TMTC3: variants seen among roughly 807,000 people sequenced by gnomAD.
TMTC3 encodes transmembrane O-mannosyltransferase targeting cadherins 3.
Under a neutral mutation model 92.2 loss-of-function variants are expected in TMTC3, and 52 were observed. The ratio of observed to expected loss-of-function variants is 0.56; its 90% CI spans 0.45 to 0.71. The LOEUF is 0.71. TMTC3 is among the 30% of genes least tolerant of loss of function. The probability of loss-of-function intolerance (pLI) is 0.00; values close to 1 mark genes in which losing one functional copy is unlikely to be tolerated. For missense variants in TMTC3, 896 were observed against 1,057.1 expected, an observed-to-expected ratio of 0.85 and a Z score of 2.11; for synonymous variants, 339 against 363.3, an observed-to-expected ratio of 0.93 and a Z score of 0.76.
chr12:88,165,462 A>T (rs1173961331), intron 6 of TMTC3, among the ~76,000 whole-genome samples: 2 of 152,058 alleles, frequency 1.3e-5, no homozygotes, highest in Non-Finnish European at 2.9e-5. Context: ...TTTTGAAATG[A>T]TATTATTTGT....
chr12:88,154,056 T>G (rs937558174), intron 3 of TMTC3, among the ~76,000 whole-genome samples: 16 of 152,028 alleles, frequency 1.1e-4, no homozygotes, highest in African/African-American at 3.9e-4. Flanking sequence ...TTCCTATAAG[T>G]CTTATTATTA....
chr12:88,178,959 A>G (rs1285275246), intron 10 of TMTC3, among the ~76,000 whole-genome samples: 1 of 152,188 alleles, frequency 6.6e-6, no homozygotes, highest in Non-Finnish European at 1.5e-5. Context: ...GATGTTGCAG[A>G]CATGGACACT....
intron 3 of TMTC3, 76 bp from the exon 4 acceptor site, chr12:88,154,212 T>G: frequency 9.7e-7 from 1 of 1,035,050 alleles, no homozygotes; most frequent in Non-Finnish European, 1.4e-6. Context: ...GAAATTAAAG[T>G]ATTTTTACCA....
rs553519533 is a variant in TMTC3, at chr12:88,199,289, C to T, written c.*3640C>T. On this transcript the variant is annotated 3_prime_UTR_variant, in exon 14 of 14. Transcript: ENST00000266712. Reference sequence around the variant, plus strand: ...CTGGCATAACTTAGAGGAAATTGTTCTACCTATATGTCCTCAGTTTCTTCA... The same window carrying T: ...CTGGCATAACTTAGAGGAAATTGTTTTACCTATATGTCCTCAGTTTCTTCA... 6.8e-4 allele frequency: 104 copies of T among 152,028 alleles called. No individual in the cohort carries two copies. Among genetic ancestry groups the T allele is most frequent in the African/African-American group, 2.3e-3 (96 of 41,512 alleles). The allele number at this position is 152,028 out of a possible 1,614,324, so 9.4% of individuals were successfully genotyped here.
chr12:88,169,366 G>A (rs1020520173), intron 7 of TMTC3, among the ~76,000 whole-genome samples: 5 of 152,062 alleles, frequency 3.3e-5, no homozygotes, highest in African/African-American at 1.2e-4. Flanking sequence ...AGAGGTAGGG[G>A]AATTAAGGTT....
chr12:88,145,072 C>G (rs1374783235), intron 1 of TMTC3, among the ~76,000 whole-genome samples: 1 of 152,074 alleles, frequency 6.6e-6, no homozygotes, highest in Non-Finnish European at 1.5e-5. Context: ...TATTGCTTAC[C>G]TTTGTTCTCT....
intron 8 of TMTC3, 93 bp from the exon 9 acceptor site, chr12:88,174,514 C>G (rs2041238659): frequency 3.7e-6 from 5 of 1,348,438 alleles, no homozygotes; most frequent in Non-Finnish European, 4.0e-6. Flanking sequence ...ATTTTAGGAG[C>G]ATTTAAGATA....
At chr12:88,162,912 C>T (rs2086688748) in intron 6 of TMTC3, among the ~76,000 whole-genome samples, 2 of 76,034 alleles carry the variant, frequency 2.6e-5, no homozygotes, top group South Asian at 1.1e-3. Flanking sequence ...TGCTTTTTTT[C>T]TTTCTTCTTT....
At position 88,195,794 on chromosome 12, in the gene TMTC3, A is replaced by T; in HGVS notation, c.*145A>T. On this transcript the variant is annotated 3_prime_UTR_variant, in exon 14 of 14. Coordinates refer to ENST00000266712, the MANE Select transcript of TMTC3 (RefSeq NM_181783.4). ...GAAGTAGGATCAAAATAAGATTTTCATTAAAGACCTGTATTATCCCAGGAT... is the reference window on the plus strand; with the variant it reads ...GAAGTAGGATCAAAATAAGATTTTCTTTAAAGACCTGTATTATCCCAGGAT... 1.6e-6 allele frequency: 1 copy of T among 616,818 alleles called. No individual in the cohort carries two copies. Among genetic ancestry groups the T allele is most frequent in the Non-Finnish European group, 2.7e-6 (1 of 366,302 alleles). 38.2% of individuals were successfully genotyped at this position (616,818 alleles called of 1,614,324 possible). A position where few individuals can be genotyped will look rare whatever the true frequency, so the allele number is the denominator to read the frequency against.
Position 88,198,076 on chromosome 12 carries a change from A to G in TMTC3, c.*2427A>G. The G allele has an allele frequency of 5.5e-6, 2 of 363,540 alleles. No homozygotes were observed. Among genetic ancestry groups the G allele is most frequent in the Non-Finnish European group, 9.8e-6 (2 of 204,244 alleles). 22.5% of individuals were successfully genotyped at this position (363,540 alleles called of 1,614,324 possible). ...AGAACATATTCTTCTAATAACTAGC[A>G]TTTATTACATGAAATTTAAGAGTTT... is the stretch of plus-strand genomic sequence containing the variant. On this transcript the variant is annotated 3_prime_UTR_variant, in exon 14 of 14. Coordinates refer to ENST00000266712, the MANE Select transcript of TMTC3 (RefSeq NM_181783.4).
Position 88,188,927 on chromosome 12 carries a change from C to T in TMTC3, c.1517C>T (p.Ala506Val), listed in dbSNP as rs771516246. The T allele has an allele frequency of 4.4e-6, 7 of 1,595,294 alleles. No individual in the cohort carries two copies. The highest frequency in any genetic ancestry group is 6.0e-6 in the Non-Finnish European group (7 of 1,168,920). The change falls in exon 11 of 14, where the codon GCT becomes GTT. Residue 506 changes from alanine to valine, a missense_variant. Physicochemically the swap from Ala to Val is moderately conservative, Grantham distance 64. Transcript: ENST00000266712. The stretch of plus-strand genomic sequence containing the variant: ...GAAGCTGAAGAATCTTACATGATGG[C>T]TAAATCACTGATGCCTCAAGTAAGT... Reference protein sequence around the residue: ...TKEAEESYMMAKSLMPQIIPG... With the variant: ...TKEAEESYMMVKSLMPQIIPG...
intron 2 of TMTC3, among the ~76,000 whole-genome samples, chr12:88,151,688 C>T (rs1475534589): frequency 6.6e-6 from 1 of 152,098 alleles, no homozygotes; most frequent in Non-Finnish European, 1.5e-5. Flanking sequence ...ATACATATTC[C>T]CTTCTACTTT....
intron 10 of TMTC3, 109 bp downstream of exon 10, chr12:88,176,428 A>C: frequency 1.4e-6 from 1 of 724,854 alleles, no homozygotes; most frequent in Non-Finnish European, 2.2e-6. Context: ...GAGTGACTTG[A>C]ATACTAGAGT....
At chr12:88,173,722 A>G (rs952556736) in intron 8 of TMTC3, among the ~76,000 whole-genome samples, 1 of 151,956 alleles carries the variant, frequency 6.6e-6, no homozygotes, top group African/African-American at 2.4e-5. Context: ...TATAATCACT[A>G]CCCATTTTTG....
intron 6 of TMTC3, among the ~76,000 whole-genome samples, chr12:88,162,830 G>A (rs987394818): frequency 1.3e-5 from 2 of 151,760 alleles, no homozygotes; most frequent in African/African-American, 2.4e-5. Flanking sequence ...TTACCTTAAT[G>A]TATTCTATAA....
rs1164786329 is a variant in TMTC3 at position 88,169,296 on chromosome 12, ATAAACGGTAGAATACATC to A, written c.1050+2719_1050+2736del. On this transcript the variant is annotated intron_variant, in intron 7 of 13. Transcript: ENST00000266712. ...ACTCTGGTAAATACAGACAAAAGAA[ATAAACGGTAGAATACATC>A]TAAAGCTGGAGTTTTCCTAAAAGAA... Among the ~76,000 whole-genome samples the A allele has an allele frequency of 2.6e-5, 4 of 152,338 alleles. No individual in the cohort carries two copies. The East Asian group carries it at 7.7e-4, about 29-fold the overall frequency.
Position 88,160,805 on chromosome 12 carries a change from G to A in TMTC3, c.751G>A (p.Val251Met). The change falls in exon 6 of 14, where the codon GTG becomes ATG. Residue 251 changes from valine (V) to methionine (M), a missense_variant. Val to Met is a conservative substitution (Grantham distance 21). Transcript: ENST00000266712. ...VLMFSTLLLV[V>M]IRVQVIQSQL... Reference sequence around the variant, plus strand: ...GATGTTCAGTACATTATTACTTGTTGTGATTAGAGTCCAGGTTATTCAATC... The same window carrying A: ...GATGTTCAGTACATTATTACTTGTTATGATTAGAGTCCAGGTTATTCAATC... 1 of 1,613,080 alleles carries A rather than the reference G, an allele frequency of 6.2e-7. No individual in the cohort carries two copies. Among genetic ancestry groups the A allele is most frequent in the Non-Finnish European group, 8.5e-7 (1 of 1,179,554 alleles).
chr12:88,175,322 T>G (rs1244962251), intron 9 of TMTC3, among the ~76,000 whole-genome samples: 1 of 152,192 alleles, frequency 6.6e-6, no homozygotes, highest in Admixed American at 6.5e-5. Context: ...AACAAAAATT[T>G]GTTTTCTTTA....
chr12:88,172,876 C>T, intron 8 of TMTC3, 131 bp downstream of exon 8: 1 of 1,499,594 alleles, frequency 6.7e-7, no homozygotes, highest in Non-Finnish European at 8.9e-7. Flanking sequence ...CCATAGTCTC[C>T]TCATTTGTCT....
Sources: allele counts gnomAD v4.1 joint callset (sites outside exome capture counted in the v4.1 genomes callset), GRCh38; gene constraint gnomAD v4.1.1; transcripts MANE v1.5; gene names NCBI Gene and HGNC (gene_info 2026-07-23, HGNC 2026-07-21).